Variants in LRRC7 observed in about 807,000 individuals in gnomAD.
LRRC7 encodes leucine-rich repeat-containing protein 7.
In LRRC7, 23 loss-of-function variants were observed where a neutral mutation model predicts 175.7. The ratio of observed to expected loss-of-function variants is 0.13; its 90% CI spans 0.09 to 0.19. The LOEUF (loss-of-function observed/expected upper bound fraction) is 0.19, where lower values mean the gene tolerates loss of function less well. LRRC7 is among the 10% of genes least tolerant of loss of function. The pLI is 1.00. For missense variants in LRRC7, 1,354 were observed against 1,904.7 expected (o/e 0.71, Z 5.38); for synonymous variants, 685 against 680.9 (o/e 1.01, Z -0.09).
chr1:70,055,948 T>C (rs1319653147), intron 23 of LRRC7, among the ~76,000 whole-genome samples: 1 of 152,186 alleles, frequency 6.6e-6, no homozygotes, highest in South Asian at 2.1e-4. Flanking sequence ...AGATAAAAGT[T>C]CCAAGGTTGA....
chr1:69,772,396 C>A (rs1332250975), intron 3 of LRRC7, among the ~76,000 whole-genome samples: 2 of 152,014 alleles, frequency 1.3e-5, no homozygotes, highest in Non-Finnish European at 2.9e-5. Flanking sequence ...GTACAAGGCA[C>A]CACAGAAGAG....
intron 7 of LRRC7, among the ~76,000 whole-genome samples, chr1:69,842,723 C>A (rs934231324): frequency 2.6e-5 from 4 of 152,086 alleles, no homozygotes; most frequent in African/African-American, 9.7e-5. Flanking sequence ...ATGACAGTAT[C>A]TTTTGGGTCA....
chr1:69,709,465 A>G (rs2100727459), intron 2 of LRRC7, among the ~76,000 whole-genome samples: 1 of 152,300 alleles, frequency 6.6e-6, no homozygotes, highest in Middle Eastern at 3.4e-3. Context: ...GGGGAGAAAA[A>G]TTGGTGTGGT....
intron 5 of LRRC7, among the ~76,000 whole-genome samples, chr1:69,832,120 A>G (rs995497416): frequency 3.3e-5 from 5 of 152,182 alleles, no homozygotes. Flanking sequence ...AGCCCAGGAA[A>G]TACTTGTTGA....
chr1:70,025,224 A>C (rs1657960331), intron 17 of LRRC7, among the ~76,000 whole-genome samples: 1 of 150,496 alleles, frequency 6.6e-6, no homozygotes, highest in South Asian at 2.1e-4. Context: ...TATAATGATT[A>C]ATTATATAAT....
intron 7 of LRRC7, among the ~76,000 whole-genome samples, chr1:69,873,167 G>C (rs1324410905): frequency 6.6e-6 from 1 of 152,138 alleles, no homozygotes; most frequent in Non-Finnish European, 1.5e-5. Context: ...CTTATCACCT[G>C]ATGATCATCA....
intron 1 of LRRC7, among the ~76,000 whole-genome samples, chr1:69,570,581 C>T (rs543205045): frequency 6.6e-6 from 1 of 152,236 alleles, no homozygotes; most frequent in South Asian, 2.1e-4. Context: ...ACACCACCTT[C>T]CCAGTCCAAG....
At chr1:70,119,194 A>G (rs1666055686) in intron 26 of LRRC7, among the ~76,000 whole-genome samples, 1 of 151,796 alleles carries the variant, frequency 6.6e-6, no homozygotes, top group Non-Finnish European at 1.5e-5. Flanking sequence ...ATGAGACAAG[A>G]CAAGGACTGT....
chr1:70,057,104 T>C (rs1222827178), intron 23 of LRRC7, among the ~76,000 whole-genome samples: 3 of 152,182 alleles, frequency 2.0e-5, no homozygotes, highest in South Asian at 2.1e-4. Flanking sequence ...CTTCCTACTA[T>C]TATGATAAGC....
chr1:70,134,175 A>T lies in LRRC7; in HGVS notation c.*12288A>T, dbSNP rs1037515246. On this transcript the variant is annotated 3_prime_UTR_variant, in exon 27 of 27. Transcript: ENST00000651989. ...GAATAAGAAATGTATTTCGAAATGT[A>T]TTTCAAAATGTCTCTCACAAAGTGA... Among the ~76,000 whole-genome samples, 1 of 152,232 alleles carries T rather than the reference A, an allele frequency of 6.6e-6. No individual in the cohort carries two copies. Among genetic ancestry groups the T allele is most frequent in the Non-Finnish European group, 1.5e-5 (1 of 68,038 alleles).
intron 23 of LRRC7, among the ~76,000 whole-genome samples, chr1:70,062,845 C>CT (rs1212399138): frequency 6.6e-6 from 1 of 151,832 alleles, no homozygotes; most frequent in African/African-American, 2.4e-5. Flanking sequence ...AAAGCTTACT[C>CT]TATTTCTATT....
At chr1:70,073,910 A>G (rs556941166) in intron 23 of LRRC7, among the ~76,000 whole-genome samples, 47 of 152,358 alleles carry the variant, frequency 3.1e-4, no homozygotes, top group African/African-American at 1.0e-3. Context: ...TTCAGAATAC[A>G]GCGGCACAGG....
chr1:70,097,748 T>G (rs1446060169), intron 25 of LRRC7, among the ~76,000 whole-genome samples: 4 of 152,010 alleles, frequency 2.6e-5, no homozygotes, highest in South Asian at 4.2e-4. Context: ...TACTAAGAAT[T>G]ATGATTTCCA....
chr1:69,782,367 G>A (rs1283197667), intron 3 of LRRC7, among the ~76,000 whole-genome samples: 1 of 152,164 alleles, frequency 6.6e-6, no homozygotes, highest in Non-Finnish European at 1.5e-5. Context: ...GTTTCAATAG[G>A]TATAACCGTA....
rs542615414 is a variant in LRRC7 at position 69,787,276 on chromosome 1, G to A, written c.304-4767G>A. Reference sequence around the variant, plus strand: ...CTGCTTTCATGGGCTGTCATTGAGTGTCTGCAGCTTTTCCAGGCACATGGT... The same window carrying A: ...CTGCTTTCATGGGCTGTCATTGAGTATCTGCAGCTTTTCCAGGCACATGGT... On this transcript the variant is annotated intron_variant, in intron 3 of 26. Coordinates refer to ENST00000651989, the MANE Select transcript of LRRC7 (RefSeq NM_001370785.2). 5.3e-5 allele frequency among the ~76,000 whole-genome samples: 8 copies of A among 152,286 alleles called. No homozygotes were observed. The East Asian group carries it at 1.6e-3, about 30-fold the overall frequency.
intron 7 of LRRC7, among the ~76,000 whole-genome samples, chr1:69,889,119 T>C (rs962034057): frequency 6.6e-6 from 1 of 152,238 alleles, no homozygotes; most frequent in African/African-American, 2.4e-5. Flanking sequence ...AACAATCTTC[T>C]GATGCTTCAG....
chr1:69,811,154 C>T (rs1437982342), intron 4 of LRRC7, among the ~76,000 whole-genome samples: 3 of 152,046 alleles, frequency 2.0e-5, no homozygotes, highest in Admixed American at 1.3e-4. Context: ...ATGCAGCCAA[C>T]AAACATATGA....
chr1:69,890,066 T>G (rs1415213397), intron 7 of LRRC7, among the ~76,000 whole-genome samples: 1 of 152,216 alleles, frequency 6.6e-6, no homozygotes, highest in Non-Finnish European at 1.5e-5. Context: ...CTTCCAAACT[T>G]ATGTTAATGT....
At chr1:70,015,163 A>G (rs1022994187) in intron 13 of LRRC7, among the ~76,000 whole-genome samples, 2 of 152,082 alleles carry the variant, frequency 1.3e-5, no homozygotes, top group African/African-American at 4.8e-5. Flanking sequence ...ATTATATAAA[A>G]AAGAATTGCG....
Sources: allele counts gnomAD v4.1 joint callset (sites outside exome capture counted in the v4.1 genomes callset), GRCh38; gene constraint gnomAD v4.1.1; transcripts MANE v1.5; gene names NCBI Gene and HGNC (gene_info 2026-07-23, HGNC 2026-07-21).